Variants in PLA2G4F observed in about 807,000 individuals in gnomAD.
PLA2G4F encodes the protein phospholipase A2 group IVF.
A neutral mutation model predicts 103.1 loss-of-function variants in PLA2G4F; 105 were observed. That is an observed-to-expected ratio of 1.02 (90% confidence interval 0.87 to 1.20). PLA2G4F has a LOEUF of 1.20. Among genes scored for constraint, PLA2G4F ranks in the 50% most tolerant of loss-of-function variants. The pLI is 0.00. For missense variants in PLA2G4F, 1,155 were observed against 1,075.9 expected (o/e 1.07, Z -1.03); for synonymous variants, 468 against 441.1 (o/e 1.06, Z -0.76).
intron 10 of PLA2G4F, 30 bp from the exon 11 acceptor site, chr15:42,149,878 G>A (rs1215955736): frequency 1.2e-6 from 2 of 1,610,680 alleles, no homozygotes; most frequent in Non-Finnish European, 1.7e-6. Context: ...GTGGCGGTGG[G>A]GGGTTCTGGG....
rs149766220 is a variant in PLA2G4F, at chr15:42,150,662, T to C, written c.717A>G (p.Pro239=). 2.0e-4 allele frequency: 326 copies of C among 1,613,714 alleles called. No homozygotes were observed. Among genetic ancestry groups the C allele is most frequent in the Non-Finnish European group, 2.4e-4 (289 of 1,179,884 alleles). The part of the protein sequence containing the change: ...LPPTFTFHVN[P]VLSSRLHVEL... Reference sequence around the variant, plus strand: ...CCACGTGTAGCCTGGAGCTCAGCACTGGGTTCACGTGGAAGGTAAAGGTGG... The same window carrying C: ...CCACGTGTAGCCTGGAGCTCAGCACCGGGTTCACGTGGAAGGTAAAGGTGG... The change falls in exon 8 of 20, where the codon CCA becomes CCG. Residue 239 remains proline (P), a synonymous_variant. Coordinates refer to ENST00000397272, the MANE Select transcript of PLA2G4F (RefSeq NM_213600.4).
Position 42,153,331 on chromosome 15 carries a change from G to T in PLA2G4F, c.503C>A (p.Ala168Glu). ...AACCCCGTTGGTGATGACTTCAGAT[G>T]CAGGCACCTGGCTGCAAAGGATGAG... ...EFVLEKSQVP[A>E]SEVITNGVLV... Residue 168 changes from alanine to glutamate, a missense_variant, in exon 6 of 20, where the codon GCA becomes GAA. Ala to Glu is a moderately radical substitution (Grantham distance 107, BLOSUM62 -1). Around this residue, in one of 3 missense-constraint regions of PLA2G4F, gnomAD observed 370 missense variants for 364.9 expected, o/e 1.01. Coordinates refer to ENST00000397272, the MANE Select transcript of PLA2G4F (RefSeq NM_213600.4). The T allele has an allele frequency of 6.2e-7, 1 of 1,614,124 alleles. No individual in the cohort carries two copies. Among genetic ancestry groups the T allele is most frequent in the Non-Finnish European group, 8.5e-7 (1 of 1,179,950 alleles).
Position 42,143,975 on chromosome 15 carries a change from C to T in PLA2G4F, c.2142+3G>A. 2 of 1,596,654 alleles carry T rather than the reference C, an allele frequency of 1.3e-6. No individual in the cohort carries two copies. Among genetic ancestry groups the T allele is most frequent in the Non-Finnish European group, 1.7e-6 (2 of 1,169,386 alleles). Reference sequence around the variant, plus strand: ...CTCCCCACATCCCTGCCTCCCAGCTCACCTCAAAAGGGGCTTCCAAGGAAT... The same window carrying T: ...CTCCCCACATCCCTGCCTCCCAGCTTACCTCAAAAGGGGCTTCCAAGGAAT... On this transcript the variant is annotated splice_donor_region_variant and intron_variant, in intron 18 of 19. Coordinates refer to ENST00000397272, the MANE Select transcript of PLA2G4F (RefSeq NM_213600.4).
chr15:42,143,176 T>TAAAA (rs56171986), intron 18 of PLA2G4F, among the ~76,000 whole-genome samples: 3 of 89,696 alleles, frequency 3.3e-5, no homozygotes, highest in African/African-American at 4.9e-5. Flanking sequence ...AGACTCCATC[T>TAAAA]AAAAAAAAAA....
At chr15:42,156,380 C>T in intron 1 of PLA2G4F, 59 bp downstream of exon 1, 1 of 1,398,460 alleles carries the variant, frequency 7.2e-7, no homozygotes, top group Non-Finnish European at 9.9e-7. Flanking sequence ...CTTCACAGGG[C>T]ACTGCAGCTC....
intron 1 of PLA2G4F, 47 bp downstream of exon 1, chr15:42,156,392 C>A: frequency 6.7e-7 from 1 of 1,500,084 alleles, no homozygotes; most frequent in South Asian, 1.2e-5. Flanking sequence ...CTGCAGCTCC[C>A]AGGACTCCCC....
In PLA2G4F at chr15:42,141,619, T is replaced by C. The variant is rs1417430533; in HGVS notation, c.*365A>G. ...CTGGCTTCTCAGTGCCCTCAGCCCC[T>C]GTTCTGTGTGGGTCTGAGGACTTGG... On this transcript the variant is annotated 3_prime_UTR_variant, in exon 20 of 20. Coordinates refer to ENST00000397272, the MANE Select transcript of PLA2G4F (RefSeq NM_213600.4). The C allele has an allele frequency of 4.2e-6, 2 of 477,538 alleles. No homozygotes were observed. Among genetic ancestry groups the C allele is most frequent in the Admixed American group, 4.6e-5 (2 of 43,164 alleles). 29.6% of individuals were successfully genotyped at this position (477,538 alleles called of 1,614,324 possible).
At chr15:42,148,920 G>A (rs1459279694) in intron 11 of PLA2G4F, 1 of 985,298 alleles carries the variant, frequency 1.0e-6, no homozygotes, top group Non-Finnish European at 1.2e-6. Context: ...CACAGAGAGG[G>A]CATACATATT....
rs768220011 is a variant in PLA2G4F, at chr15:42,145,667, G to T, written c.1688C>A (p.Ala563Asp). The change falls in exon 16 of 20, where the codon GCC becomes GAC. Residue 563 changes from alanine (A) to aspartate (D), a missense_variant. Transcript: ENST00000397272. ...GATCTCATCCAGGCTGGTGGCAAAG[G>T]CGCTGCCCCACATACCTAAGGAGAC... Reference protein sequence around the residue: ...ICYLQGMWGSAFATSLDEIFL... With the variant: ...ICYLQGMWGSDFATSLDEIFL... 1 of 1,613,976 alleles carries T rather than the reference G, an allele frequency of 6.2e-7. No individual in the cohort carries two copies. Among genetic ancestry groups the T allele is most frequent in the African/African-American group, 1.3e-5 (1 of 74,912 alleles).
At position 42,145,755 on chromosome 15, in the gene PLA2G4F, C is replaced by T. The variant is rs1566878501; in HGVS notation, c.1672+11G>A. 6.2e-7 allele frequency: 1 copy of T among 1,614,026 alleles called. No homozygotes were observed. The highest frequency in any genetic ancestry group is 8.5e-7 in the Non-Finnish European group (1 of 1,180,002). The stretch of plus-strand genomic sequence containing the variant: ...CACCTGCCTGTCCCCAGCCCTCCAG[C>T]CTCGACTCACCTTGCAGGTAACAGA... On this transcript the variant is annotated intron_variant, in intron 15 of 19. Coordinates refer to ENST00000397272, the MANE Select transcript of PLA2G4F (RefSeq NM_213600.4).
rs540917875 is a variant in PLA2G4F at position 42,149,500 on chromosome 15, G to A, written c.1059+213C>T. The stretch of plus-strand genomic sequence containing the variant: ...TCATTTAAGCCACCTAGTCTGTGGG[G>A]TTTTGTTACGGCGGCCCACATAGAC... On this transcript the variant is annotated intron_variant, in intron 11 of 19. Coordinates refer to ENST00000397272, the MANE Select transcript of PLA2G4F (RefSeq NM_213600.4). 3.0e-6 allele frequency: 3 copies of A among 985,326 alleles called. No homozygotes were observed. In the South Asian group the frequency reaches 1.4e-4, roughly 46 times the overall value. 61.0% of individuals were successfully genotyped at this position (985,326 alleles called of 1,614,324 possible).
chr15:42,144,535 G>C lies in PLA2G4F; in HGVS notation c.1890C>G (p.Phe630Leu). ...TGAAGTTAAAGCTCTGGGCGGAAGT[G>C]AAGCGGGAGGTGAATATGTCCAGCA... is the stretch of plus-strand genomic sequence containing the variant. ...QAVLDIFTSRFTSAQSFNFTR... is the reference protein window; with the variant it reads ...QAVLDIFTSRLTSAQSFNFTR... Residue 630 changes from phenylalanine to leucine, a missense_variant, in exon 17 of 20, where the codon TTC (phenylalanine) becomes TTG (leucine). Transcript: ENST00000397272. 2 of 1,612,850 alleles carry C rather than the reference G, an allele frequency of 1.2e-6. No homozygotes were observed. Among genetic ancestry groups the C allele is most frequent in the Non-Finnish European group, 1.7e-6 (2 of 1,180,020 alleles).
At position 42,151,382 on chromosome 15, in the gene PLA2G4F, G is replaced by A. The variant is rs538728997; in HGVS notation, c.602-605C>T. 21 of 985,342 alleles carry A rather than the reference G, an allele frequency of 2.1e-5. No individual in the cohort carries two copies. In the African/African-American group the frequency reaches 3.1e-4, roughly 15 times the overall value. 61.0% of individuals were successfully genotyped at this position (985,342 alleles called of 1,614,324 possible). The stretch of plus-strand genomic sequence containing the variant: ...CCCAGGCTGGGAGGAGTGAGGGGGT[G>A]GGCTTGTGGGCTCCGGAGCTCCCTG... On this transcript the variant is annotated intron_variant, in intron 7 of 19. Coordinates refer to ENST00000397272, the MANE Select transcript of PLA2G4F (RefSeq NM_213600.4).
rs768624258 is a variant in PLA2G4F at position 42,149,879 on chromosome 15, G to A, written c.924-31C>T. The A allele has an allele frequency of 5.0e-6, 8 of 1,609,810 alleles. No homozygotes were observed. The Admixed American group carries it at 1.3e-4, about 27-fold the overall frequency. On this transcript the variant is annotated intron_variant, in intron 10 of 19. Coordinates refer to ENST00000397272, the MANE Select transcript of PLA2G4F (RefSeq NM_213600.4). ...TCAAGTAGGGTGGGGTGGCGGTGGG[G>A]GGTTCTGGGTGACTGTCCAGTGGAG...
At chr15:42,150,240 G>A in intron 9 of PLA2G4F, 99 bp from the exon 10 acceptor site, 1 of 1,570,132 alleles carries the variant, frequency 6.4e-7, no homozygotes, top group Non-Finnish European at 8.7e-7. Flanking sequence ...GCGATCTCTG[G>A]CCCGATGTGG....
At position 42,145,649 on chromosome 15, in the gene PLA2G4F, T is replaced by G; in HGVS notation, c.1706A>C (p.Asp569Ala). The change falls in exon 16 of 20, where the codon GAT becomes GCT. Residue 569 changes from aspartate to alanine, a missense_variant. This residue lies in a region of PLA2G4F where 782 missense variants were observed against 692.9 expected (regional missense o/e 1.13). Coordinates refer to ENST00000397272, the MANE Select transcript of PLA2G4F (RefSeq NM_213600.4). ...GCCGGCGGTCTTTAGGAAGATCTCATCCAGGCTGGTGGCAAAGGCGCTGCC... is the reference window on the plus strand; with the variant it reads ...GCCGGCGGTCTTTAGGAAGATCTCAGCCAGGCTGGTGGCAAAGGCGCTGCC... ...MWGSAFATSL[D>A]EIFLKTAGSG... is the part of the protein sequence containing the mutation. The G allele has an allele frequency of 5.0e-6, 8 of 1,614,086 alleles. No homozygotes were observed. The highest frequency in any genetic ancestry group is 6.8e-6 in the Non-Finnish European group (8 of 1,180,006).
chr15:42,155,450 C>T, intron 2 of PLA2G4F, 67 bp downstream of exon 2: 2 of 1,533,308 alleles, frequency 1.3e-6, no homozygotes, highest in South Asian at 2.3e-5. Flanking sequence ...TGTTAGCCAG[C>T]CTGAGCTGAG....
rs1270579729 is a variant in PLA2G4F at position 42,142,086 on chromosome 15, C to T, written c.2448G>A (p.Val816=). The change falls in exon 20 of 20, where the codon GTG becomes GTA. Residue 816 remains valine, a synonymous_variant. Coordinates refer to ENST00000397272, the MANE Select transcript of PLA2G4F (RefSeq NM_213600.4). ...TYEPQDFYRL[V]ALSRYNVLNN... is the part of the protein sequence containing the mutation. ...TCAGGACGTTGTATCGACTGAGGGC[C>T]ACCAGCCGATAAAAGTCCTGGGGCT... 2 of 1,614,102 alleles carry T rather than the reference C, an allele frequency of 1.2e-6. No individual in the cohort carries two copies. The highest frequency in any genetic ancestry group is 1.3e-5 in the African/African-American group (1 of 74,940).
chr15:42,149,853 C>G lies in PLA2G4F; in HGVS notation c.924-5G>C, dbSNP rs1481323036. On this transcript the variant is annotated splice_region_variant and splice_polypyrimidine_tract_variant and intron_variant, in intron 10 of 19. Transcript: ENST00000397272. ...CGTAGGTCTAGGTCCCCGGAGCTGC[C>G]TCAAGTAGGGTGGGGTGGCGGTGGG... 1 of 1,614,140 alleles carries G rather than the reference C, an allele frequency of 6.2e-7. No homozygotes were observed. The highest frequency in any genetic ancestry group is 1.7e-5 in the Admixed American group (1 of 60,030).
Sources: gnomAD v4.1 joint callset for allele counts (sites outside exome capture counted in the v4.1 genomes callset) on GRCh38, gnomAD v4.1.1 for gene constraint, gnomAD v4.1.1 regional missense constraint, MANE v1.5 for transcripts, NCBI Gene and HGNC (gene_info 2026-07-23, HGNC 2026-07-21) for gene names.